ISG20: variants seen among roughly 807,000 people sequenced by gnomAD.
ISG20 encodes the protein interferon stimulated exonuclease gene 20, also known as interferon-stimulated gene 20 kDa protein.
In ISG20, 8 loss-of-function variants were observed where a neutral mutation model predicts 11.1. The ratio of observed to expected loss-of-function variants is 0.72; its 90% CI spans 0.42 to 1.30. The LOEUF is 1.30. ISG20 is among the 50% of genes most tolerant of loss of function. The probability of loss-of-function intolerance (pLI) is 0.01; values close to 1 mark genes in which losing one functional copy is unlikely to be tolerated. For synonymous variants in ISG20, 110 were observed against 101.7 expected, an observed-to-expected ratio of 1.08 and a Z score of -0.49; for missense variants, 243 against 250.2, an observed-to-expected ratio of 0.97 and a Z score of 0.19.
chr15:88,644,798 T>G (rs536649292), intron 2 of ISG20, among the ~76,000 whole-genome samples: 4 of 152,116 alleles, frequency 2.6e-5, no homozygotes, highest in Non-Finnish European at 5.9e-5. Context: ...GTGGGCAGTA[T>G]GTCCCTCTCC....
intron 2 of ISG20, chr15:88,647,816 C>G (rs1038789528): frequency 1.3e-5 from 2 of 152,262 alleles, no homozygotes; most frequent in African/African-American, 4.8e-5. Context: ...GCACCGTGGT[C>G]GCGGGCACAG....
chr15:88,636,371 A>G (rs1454988579), upstream of ISG20: 1 of 152,238 alleles, frequency 6.6e-6, no homozygotes, highest in Non-Finnish European at 1.5e-5. Flanking sequence ...CTGGCGTCCA[A>G]CATCAGAGCA....
rs1025620488 is a variant in ISG20 at position 88,643,584 on chromosome 15, A to T, written c.228+3990A>T. On this transcript the variant is annotated intron_variant, in intron 2 of 3. Coordinates refer to ENST00000306072, the MANE Select transcript of ISG20 (RefSeq NM_002201.6). This position sits in a 1 kb window ranked among gnomAD's most constrained non-coding sequence, Gnocchi z 4.4. ...CCGGGTGTGGTGGTGGGTGCCTGTA[A>T]TCCAAGCTACTCAGGAGGCTGACGC... Among the ~76,000 whole-genome samples the T allele has an allele frequency of 6.6e-6, 1 of 152,104 alleles. No individual in the cohort carries two copies. The highest frequency in any genetic ancestry group is 1.5e-5 in the Non-Finnish European group (1 of 68,026).
chr15:88,642,836 G>A (rs765471188), intron 2 of ISG20, among the ~76,000 whole-genome samples: 3 of 152,032 alleles, frequency 2.0e-5, no homozygotes, highest in African/African-American at 4.8e-5. Context: ...GGCTGGTCTC[G>A]AATGCCTCAC....
chr15:88,654,976 G>A (rs746926362), intron 3 of ISG20, among the ~76,000 whole-genome samples: 6 of 152,080 alleles, frequency 3.9e-5, no homozygotes, highest in East Asian at 1.9e-4. Flanking sequence ...CCCTGCCTCC[G>A]AAATGCTTGC....
chr15:88,641,130 C>A (rs2058074167), intron 2 of ISG20, among the ~76,000 whole-genome samples: 1 of 151,958 alleles, frequency 6.6e-6, no homozygotes, highest in Non-Finnish European at 1.5e-5. Flanking sequence ...GTAACTGGGA[C>A]TACAGGCACC....
At chr15:88,638,585 G>C (rs1274340751), upstream of ISG20, among the ~76,000 whole-genome samples, 1 of 152,198 alleles carries the variant, frequency 6.6e-6, no homozygotes, top group East Asian at 1.9e-4. Flanking sequence ...ATAAAAGCCT[G>C]TATGTCCCAA....
chr15:88,649,961 C>T (rs80336666), intron 2 of ISG20: 14,421 of 463,994 alleles, frequency 0.031, 496 homozygotes, highest in South Asian at 0.089. Flanking sequence ...CAAGTCACAT[C>T]TCCTCTCTGA....
chr15:88,637,192 C>T (rs771756034), upstream of ISG20, among the ~76,000 whole-genome samples: 1 of 152,086 alleles, frequency 6.6e-6, no homozygotes, highest in Non-Finnish European at 1.5e-5. Flanking sequence ...GCAGAAGTCA[C>T]CATGTGCATA....
chr15:88,644,954 C>T (rs1037299293), intron 2 of ISG20, among the ~76,000 whole-genome samples: 2 of 152,220 alleles, frequency 1.3e-5, no homozygotes, highest in African/African-American at 2.4e-5. Flanking sequence ...CCTGGGCGCC[C>T]TTGAGCATTG....
intron 2 of ISG20, among the ~76,000 whole-genome samples, chr15:88,644,322 T>C (rs1399972560): frequency 2.0e-5 from 3 of 151,350 alleles, no homozygotes; most frequent in Non-Finnish European, 4.4e-5. Flanking sequence ...TCACCAGAGG[T>C]CGGGAGTTTG....
Position 88,650,432 on chromosome 15 carries a change from G to A in ISG20, c.229-1678G>A. ...GGCTCAGTGTGGCAGTGGCAGGCGG[G>A]CTCTGGATTCATCCCACTGGCTTCA... On this transcript the variant is annotated intron_variant, in intron 2 of 3. Coordinates refer to ENST00000306072, the MANE Select transcript of ISG20 (RefSeq NM_002201.6). This position sits in a 1 kb window ranked among gnomAD's most constrained non-coding sequence, Gnocchi z 4.0. 6.7e-7 allele frequency: 1 copy of A among 1,484,052 alleles called. No homozygotes were observed. Among genetic ancestry groups the A allele is most frequent in the Non-Finnish European group, 8.9e-7 (1 of 1,120,482 alleles). The allele number at this position is 1,484,052 out of a possible 1,614,324, so 91.9% of individuals were successfully genotyped here. A position where few individuals can be genotyped will look rare whatever the true frequency, so the allele number is the denominator to read the frequency against.
chr15:88,651,928 G>A (rs2058280356), intron 2 of ISG20, 182 bp from the exon 3 acceptor site: 2 of 1,428,468 alleles, frequency 1.4e-6, no homozygotes, highest in Non-Finnish European at 9.1e-7. Context: ...AAACTATCAG[G>A]TGTGAGGAGG....
At chr15:88,636,870 GA>G (rs1174032789), upstream of ISG20, among the ~76,000 whole-genome samples, 2 of 152,170 alleles carry the variant, frequency 1.3e-5, no homozygotes, top group Non-Finnish European at 2.9e-5. Flanking sequence ...CAGCTTCATG[GA>G]AAGACGTCAT....
chr15:88,643,639 A>G lies in ISG20; in HGVS notation c.228+4045A>G, dbSNP rs1221499259. 2.6e-5 allele frequency among the ~76,000 whole-genome samples: 4 copies of G among 152,112 alleles called. No homozygotes were observed. The highest frequency in any genetic ancestry group is 9.7e-5 in the African/African-American group (4 of 41,418). ...GAATCGCTTAAACCCAGGAGGCGGA[A>G]GTTGCAGTGAGCCAAGATCGTGCCA... On this transcript the variant is annotated intron_variant, in intron 2 of 3. Coordinates refer to ENST00000306072, the MANE Select transcript of ISG20 (RefSeq NM_002201.6). The surrounding 1 kb of genome is among the most constrained non-coding windows in gnomAD (Gnocchi z 4.4).
Position 88,639,919 on chromosome 15 carries a change from C to A in ISG20, c.228+325C>A, listed in dbSNP as rs537905488. The stretch of plus-strand genomic sequence containing the variant: ...CCATTCTTCCCTCTACCCCAGGCTG[C>A]CACTGGTGAGACCTGTGGGGAAATG... On this transcript the variant is annotated intron_variant, in intron 2 of 3. Transcript: ENST00000306072. This position sits in a 1 kb window ranked among gnomAD's most constrained non-coding sequence, Gnocchi z 4.2. Among the ~76,000 whole-genome samples the A allele has an allele frequency of 1.1e-3, 168 of 152,350 alleles. No homozygotes were observed. Among genetic ancestry groups the A allele is most frequent in the African/African-American group, 3.9e-3 (164 of 41,586 alleles).
At chr15:88,641,755 C>T (rs2058084822) in intron 2 of ISG20, among the ~76,000 whole-genome samples, 1 of 152,096 alleles carries the variant, frequency 6.6e-6, no homozygotes, top group Admixed American at 6.5e-5. Flanking sequence ...CCTCAGCCTT[C>T]TGAGTAGTTG....
intron 2 of ISG20, chr15:88,649,991 G>T: frequency 1.9e-6 from 1 of 514,820 alleles, no homozygotes; most frequent in South Asian, 2.1e-5. Flanking sequence ...TCCTGTGGTT[G>T]CCAGGGGAGA....
chr15:88,642,642 A>C (rs1283746721), intron 2 of ISG20, among the ~76,000 whole-genome samples: 1 of 151,984 alleles, frequency 6.6e-6, no homozygotes, highest in Non-Finnish European at 1.5e-5. Flanking sequence ...TTTGAGACGA[A>C]GTCTCGCTCT....
Sources: gnomAD v4.1 joint callset for allele counts (sites outside exome capture counted in the v4.1 genomes callset) on GRCh38, gnomAD v4.1.1 for gene constraint, Gnocchi (gnomAD v3.1) non-coding constraint, MANE v1.5 for transcripts, NCBI Gene and HGNC (gene_info 2026-07-23, HGNC 2026-07-21) for gene names.